The following ARHGAP22 variants were observed in gnomAD, a reference collection of about 807,000 sequenced individuals.
ARHGAP22 encodes the protein rho GTPase-activating protein 22.
ARHGAP22 carries 48 observed loss-of-function variants against 59.1 expected under a neutral mutation model. The observed-to-expected ratio is 0.81, with a 90% confidence interval of 0.64 to 1.03. ARHGAP22 has a LOEUF of 1.03. Ranked by LOEUF, ARHGAP22 falls within the 50% of genes least tolerant of loss-of-function variation. The pLI is 0.00. For missense variants in ARHGAP22, 1,015 were observed against 958.7 expected (o/e 1.06, Z -0.78); for synonymous variants, 445 against 416.4 (o/e 1.07, Z -0.84).
chr10:48,446,996 G>T (rs1367166142), intron 9 of ARHGAP22, among the ~76,000 whole-genome samples: 1 of 152,134 alleles, frequency 6.6e-6, no homozygotes, highest in Non-Finnish European at 1.5e-5. Flanking sequence ...CTTTGCTCCT[G>T]TGCTGTGGCC....
intron 3 of ARHGAP22, among the ~76,000 whole-genome samples, chr10:48,552,969 C>A (rs2057015987): frequency 6.6e-6 from 1 of 152,234 alleles, no homozygotes. Flanking sequence ...TTCACCTTAC[C>A]CCTCTGGCCT....
the ARHGAP22 span, chr10:48,430,759 A>T: frequency 6.0e-6 from 1 of 166,932 alleles, no homozygotes; most frequent in African/African-American, 2.4e-5. Flanking sequence ...TTGGTAGCAT[A>T]TATCTAGTTG....
intron 3 of ARHGAP22, among the ~76,000 whole-genome samples, chr10:48,534,585 A>C (rs2055176424): frequency 6.6e-6 from 1 of 152,208 alleles, no homozygotes. Context: ...AGCAGGAATC[A>C]CTTAGTGGCA....
At chr10:48,521,327 G>A (rs1388425588) in intron 3 of ARHGAP22, among the ~76,000 whole-genome samples, 1 of 152,198 alleles carries the variant, frequency 6.6e-6, no homozygotes, top group African/African-American at 2.4e-5. Context: ...GAGAGCAAGG[G>A]GCTCCTGGAT....
chr10:48,490,510 CTA>C (rs1247033028), intron 3 of ARHGAP22, among the ~76,000 whole-genome samples: 1 of 152,180 alleles, frequency 6.6e-6, no homozygotes. Context: ...TCTCTATTGC[CTA>C]TGAGTCTAAA....
intron 2 of ARHGAP22, among the ~76,000 whole-genome samples, chr10:48,576,381 A>AT (rs2058712755): frequency 1.3e-5 from 2 of 152,230 alleles, no homozygotes; most frequent in African/African-American, 2.4e-5. Flanking sequence ...GCCCTGCTGC[A>AT]TTCCGTTTTT....
intron 2 of ARHGAP22, among the ~76,000 whole-genome samples, chr10:48,569,122 A>G (rs187486101): frequency 3.3e-5 from 5 of 152,248 alleles, no homozygotes; most frequent in Admixed American, 3.3e-4. Context: ...AGGCCCTGAA[A>G]CTAGTGCTAT....
At chr10:48,489,009 T>A (rs1018699939) in intron 3 of ARHGAP22, among the ~76,000 whole-genome samples, 2 of 152,166 alleles carry the variant, frequency 1.3e-5, no homozygotes, top group African/African-American at 2.4e-5. Flanking sequence ...ATGTAGGGAA[T>A]CACCTTGTTT....
At chr10:48,655,256 T>TGGGGGGGG (rs1230624457), upstream of ARHGAP22, among the ~76,000 whole-genome samples, 2 of 9,884 alleles carry the variant, frequency 2.0e-4, no homozygotes, top group Non-Finnish European at 4.7e-4. Flanking sequence ...TGTGTGTGTG[T>TGGGGGGGG]GGGGGGGGGG....
At chr10:48,481,832 G>A (rs2049352562) in intron 3 of ARHGAP22, among the ~76,000 whole-genome samples, 1 of 152,158 alleles carries the variant, frequency 6.6e-6, no homozygotes. Context: ...GTGTGCAGGT[G>A]TTTGAATTTG....
intron 2 of ARHGAP22, among the ~76,000 whole-genome samples, chr10:48,577,050 T>C (rs1401614247): frequency 2.0e-5 from 3 of 152,106 alleles, no homozygotes; most frequent in African/African-American, 7.2e-5. Context: ...TCTTTTTCCT[T>C]CATTTCTCTC....
At chr10:48,545,583 G>T (rs1032173346) in intron 3 of ARHGAP22, among the ~76,000 whole-genome samples, 4 of 152,210 alleles carry the variant, frequency 2.6e-5, no homozygotes, top group African/African-American at 9.7e-5. Flanking sequence ...GAGATAGGCC[G>T]GTATCAGCAT....
chr10:48,629,037 G>A (rs759033253), intron 1 of ARHGAP22, among the ~76,000 whole-genome samples: 2 of 152,186 alleles, frequency 1.3e-5, no homozygotes, highest in African/African-American at 2.4e-5. Flanking sequence ...TAAAAATCTA[G>A]AGACACCTGG....
intron 1 of ARHGAP22, among the ~76,000 whole-genome samples, chr10:48,649,081 T>C (rs1161980448): frequency 1.3e-5 from 2 of 152,218 alleles, no homozygotes; most frequent in East Asian, 1.9e-4. Flanking sequence ...ATGAACATTC[T>C]CATCAGATCA....
chr10:48,469,985 C>T (rs540606933), intron 4 of ARHGAP22, among the ~76,000 whole-genome samples: 9 of 152,332 alleles, frequency 5.9e-5, no homozygotes, highest in Non-Finnish European at 8.8e-5. Flanking sequence ...TTGATTCTGT[C>T]TCCTCACCAA....
intron 1 of ARHGAP22, among the ~76,000 whole-genome samples, chr10:48,587,672 A>G (rs769708485): frequency 6.6e-6 from 1 of 152,210 alleles, no homozygotes; most frequent in South Asian, 2.1e-4. Context: ...ATGTTTGCAG[A>G]GTACTCTTTG....
intron 2 of ARHGAP22, among the ~76,000 whole-genome samples, chr10:48,573,944 G>A (rs960701591): frequency 1.2e-4 from 19 of 152,182 alleles, no homozygotes; most frequent in African/African-American, 4.3e-4. Flanking sequence ...CCAGTACAGT[G>A]GAAATTGATT....
At chr10:48,586,904 C>A (rs1319557658) in intron 1 of ARHGAP22, among the ~76,000 whole-genome samples, 1 of 152,170 alleles carries the variant, frequency 6.6e-6, no homozygotes, top group Non-Finnish European at 1.5e-5. Flanking sequence ...AGCTACTGGG[C>A]CCCCTTTCCC....
upstream of ARHGAP22, among the ~76,000 whole-genome samples, chr10:48,653,979 T>A (rs1185170940): frequency 6.6e-6 from 1 of 152,254 alleles, no homozygotes; most frequent in Non-Finnish European, 1.5e-5. Flanking sequence ...TAACTGGGTA[T>A]CCTGTATTTT....
Sources: allele counts gnomAD v4.1 joint callset (sites outside exome capture counted in the v4.1 genomes callset), GRCh38; gene constraint gnomAD v4.1.1; transcripts MANE v1.5; gene names NCBI Gene and HGNC (gene_info 2026-07-23, HGNC 2026-07-21).